Variants in OR6N1 observed in about 807,000 individuals in gnomAD.
OR6N1 encodes the protein olfactory receptor family 6 subfamily N member 1.
For synonymous variants in OR6N1, 170 were observed against 150.7 expected, an observed-to-expected ratio of 1.13 and a Z score of -0.94; for missense variants, 394 against 371.7, an observed-to-expected ratio of 1.06 and a Z score of -0.49.
the OR6N1 span, among the ~76,000 whole-genome samples, chr1:158,834,725 T>G: frequency 6.6e-6 from 1 of 152,216 alleles, no homozygotes; most frequent in Admixed American, 6.5e-5. Context: ...AGCCTTTCCC[T>G]TTTGTTTTAT....
the OR6N1 span, among the ~76,000 whole-genome samples, chr1:158,800,579 A>C: frequency 6.6e-6 from 1 of 152,214 alleles, no homozygotes; most frequent in African/African-American, 2.4e-5. Flanking sequence ...ACCCCAGAAC[A>C]TTCTGTGATC....
At chr1:158,825,193 A>C in the OR6N1 span, among the ~76,000 whole-genome samples, 1 of 152,168 alleles carries the variant, frequency 6.6e-6, no homozygotes, top group Admixed American at 6.5e-5. Flanking sequence ...TAATCCCAGC[A>C]CTTTGGGAGC....
At chr1:158,830,164 C>T in the OR6N1 span, among the ~76,000 whole-genome samples, 1 of 152,156 alleles carries the variant, frequency 6.6e-6, no homozygotes, top group African/African-American at 2.4e-5. Flanking sequence ...TTTTGGTTCC[C>T]AAACACTGAA....
chr1:158,829,911 T>C, the OR6N1 span, among the ~76,000 whole-genome samples: 1 of 152,170 alleles, frequency 6.6e-6, no homozygotes, highest in Non-Finnish European at 1.5e-5. Context: ...GAGAGCTTGC[T>C]CAGGGCAACT....
the OR6N1 span, among the ~76,000 whole-genome samples, chr1:158,827,729 T>C: frequency 6.6e-6 from 1 of 152,060 alleles, no homozygotes; most frequent in Admixed American, 6.5e-5. Context: ...ATTATTTGAG[T>C]CAGCAGTTTG....
At chr1:158,807,714 C>T in the OR6N1 span, among the ~76,000 whole-genome samples, 1 of 152,184 alleles carries the variant, frequency 6.6e-6, no homozygotes, top group Non-Finnish European at 1.5e-5. Context: ...CCTTCTTAAC[C>T]TTTCTCCAAG....
the OR6N1 span, among the ~76,000 whole-genome samples, chr1:158,789,976 G>T: frequency 5.3e-5 from 8 of 152,166 alleles, no homozygotes; most frequent in African/African-American, 1.7e-4. Flanking sequence ...TGAAGTCTTA[G>T]ATTTAAGTCT....
chr1:158,776,935 C>A (rs1657613858), upstream of OR6N1: 1 of 1,614,060 alleles, frequency 6.2e-7, no homozygotes, highest in Non-Finnish European at 8.5e-7. Flanking sequence ...GGCCTTCTTT[C>A]TTCCTGATGC....
At chr1:158,794,262 G>A in the OR6N1 span, among the ~76,000 whole-genome samples, 3 of 152,310 alleles carry the variant, frequency 2.0e-5, no homozygotes, top group East Asian at 5.8e-4. Context: ...CTGCCTGCCT[G>A]TCAAAGTAGA....
the OR6N1 span, among the ~76,000 whole-genome samples, chr1:158,786,458 G>C: frequency 1.3e-5 from 2 of 152,182 alleles, no homozygotes; most frequent in Non-Finnish European, 2.9e-5. Context: ...AGAATTAAAA[G>C]TAGAATTACC....
the OR6N1 span, among the ~76,000 whole-genome samples, chr1:158,824,577 A>G: frequency 6.6e-6 from 1 of 152,144 alleles, no homozygotes; most frequent in African/African-American, 2.4e-5. Context: ...TTCTAGGCCC[A>G]TTTGAATAAC....
the OR6N1 span, among the ~76,000 whole-genome samples, chr1:158,818,450 T>C: frequency 6.6e-6 from 1 of 152,182 alleles, no homozygotes; most frequent in Non-Finnish European, 1.5e-5. Flanking sequence ...AATCCCCCTA[T>C]TGATGTAGTC....
At position 158,765,593 on chromosome 1, in the gene OR6N1, G is replaced by A. The variant is rs772246959; in HGVS notation, c.*151C>T. ...GGCTCCAGCAGACAGTATGAAGGTC[G>A]CTATAACACTGGAAGTCAGTCAGCA... is the stretch of plus-strand genomic sequence containing the variant. On this transcript the variant is annotated 3_prime_UTR_variant, in exon 2 of 2. Coordinates refer to ENST00000641846, the MANE Select transcript of OR6N1 (RefSeq NM_001005185.2). 63 of 655,764 alleles carry A rather than the reference G, an allele frequency of 9.6e-5. 1 individual carries two copies. The highest frequency in any genetic ancestry group is 4.2e-4 in the Middle Eastern group (1 of 2,372). The allele number at this position is 655,764 out of a possible 1,614,324, so 40.6% of individuals were successfully genotyped here. A position where few individuals can be genotyped will look rare whatever the true frequency, so the allele number is the denominator to read the frequency against.
At chr1:158,824,148 G>A in the OR6N1 span, among the ~76,000 whole-genome samples, 6 of 152,010 alleles carry the variant, frequency 3.9e-5, no homozygotes, top group Admixed American at 3.3e-4. Context: ...TGTGGGAACT[G>A]GTACAAGGTA....
chr1:158,799,287 T>C, the OR6N1 span, among the ~76,000 whole-genome samples: 1 of 152,212 alleles, frequency 6.6e-6, no homozygotes, highest in African/African-American at 2.4e-5. Context: ...CCATAAAATA[T>C]TGGCATTACG....
At chr1:158,773,668 C>T (rs1657480081), upstream of OR6N1, among the ~76,000 whole-genome samples, 1 of 152,118 alleles carries the variant, frequency 6.6e-6, no homozygotes, top group South Asian at 2.1e-4. Flanking sequence ...CCACCCTCCC[C>T]ATCTTCCCTC....
chr1:158,834,761 C>T, the OR6N1 span, among the ~76,000 whole-genome samples: 1 of 152,052 alleles, frequency 6.6e-6, no homozygotes, highest in Non-Finnish European at 1.5e-5. Context: ...GTTTTAATTC[C>T]TACATTTAGA....
chr1:158,831,465 T>G, the OR6N1 span: 1 of 152,228 alleles, frequency 6.6e-6, no homozygotes, highest in Non-Finnish European at 1.5e-5. Flanking sequence ...TGCAGTTTAA[T>G]CTCTCCAAAG....
chr1:158,766,464 A>G lies in OR6N1; in HGVS notation c.219T>C (p.Tyr73=), dbSNP rs1409446212. The change falls in exon 2 of 2, where the codon TAT becomes TAC. Residue 73 remains tyrosine (Y), a synonymous_variant. Transcript: ENST00000641846. The part of the protein sequence containing the change: ...VSILSFSELG[Y]TAATIPKMLA... ...GCATCTTAGGGATGGTGGCAGCTGTATAGCCAAGCTCTGAGAAGGAGAGAA... is the reference window on the plus strand; with the variant it reads ...GCATCTTAGGGATGGTGGCAGCTGTGTAGCCAAGCTCTGAGAAGGAGAGAA... 2.5e-6 allele frequency: 4 copies of G among 1,614,194 alleles called. No individual in the cohort carries two copies. The highest frequency in any genetic ancestry group is 3.4e-6 in the Non-Finnish European group (4 of 1,180,032).
Sources: allele counts gnomAD v4.1 joint callset (sites outside exome capture counted in the v4.1 genomes callset), GRCh38; gene constraint gnomAD v4.1.1; transcripts MANE v1.5; gene names NCBI Gene and HGNC (gene_info 2026-07-23, HGNC 2026-07-21).